The following PSD2 variants were observed in gnomAD, a reference collection of about 807,000 sequenced individuals.
The protein encoded by PSD2 is PH and SEC7 domain-containing protein 2.
In PSD2, 38 loss-of-function variants were observed where a neutral mutation model predicts 69.8. The observed-to-expected ratio is 0.54, with a 90% CI of 0.42 to 0.71. The LOEUF is 0.71. Ranked by LOEUF, PSD2 falls within the 30% of genes least tolerant of loss-of-function variation. The pLI is 0.00. For synonymous variants in PSD2, 412 were observed against 423.0 expected (o/e 0.97, Z 0.32); for missense variants, 943 against 1,014.5 (o/e 0.93, Z 0.96).
rs62383871 is a variant in PSD2, at chr5:139,811,476, T to C, written c.371+1665T>C. On this transcript the variant is annotated intron_variant, in intron 2 of 14. Transcript: ENST00000274710. The stretch of plus-strand genomic sequence containing the variant: ...GGCTGATGCAGAGGGAGGGGAGTGC[T>C]TCTTTGCACATCATGGGCCTCAGCT... Among the ~76,000 whole-genome samples, 708 of 152,202 alleles carry C rather than the reference T, an allele frequency of 4.7e-3. 5 individuals carry two copies. The highest frequency in any genetic ancestry group is 3.9e-3 in the Non-Finnish European group (264 of 68,010).
chr5:139,813,672 T>A lies in PSD2; in HGVS notation c.735T>A (p.Asn245Lys). ...GCCTGTCTCTCATGGCCATGCCCAA[T>A]GGATTCCATGAAGATGGCCCTCAGG... is the stretch of plus-strand genomic sequence containing the variant. ...LSRLSLMAMP[N>K]GFHEDGPQGP... is the part of the protein sequence containing the mutation. Residue 245 changes from asparagine (N) to lysine (K), a missense_variant, in exon 3 of 15, where the codon AAT becomes AAA. Around this residue, in one of 3 missense-constraint regions of PSD2, gnomAD observed 466 missense variants for 445.0 expected, o/e 1.05. Transcript: ENST00000274710. 1.9e-6 allele frequency: 3 copies of A among 1,613,814 alleles called. No homozygotes were observed. The highest frequency in any genetic ancestry group is 1.7e-6 in the Non-Finnish European group (2 of 1,179,952).
chr5:139,743,358 G>C, the PSD2 span, among the ~76,000 whole-genome samples: 18 of 152,200 alleles, frequency 1.2e-4, no homozygotes, highest in Non-Finnish European at 4.4e-5. Context: ...GGGTAAGATG[G>C]AGAACCTGGG....
rs1238151988 is a variant in PSD2, at chr5:139,796,033, G to A, written c.-51+58G>A. 31 of 127,558 alleles carry A rather than the reference G, an allele frequency of 2.4e-4. 1 individual carries two copies. The South Asian group carries it at 8.0e-3, about 33-fold the overall frequency. 7.9% of individuals were successfully genotyped at this position (127,558 alleles called of 1,614,324 possible). On this transcript the variant is annotated intron_variant, in intron 1 of 14. Coordinates refer to ENST00000274710, the MANE Select transcript of PSD2 (RefSeq NM_032289.4). Reference sequence around the variant, plus strand: ...CCTCCCCGCTGGCGGCCAGGCCGGGGCGGGACGGGCCGGGGAGAGGGCCGC... The same window carrying A: ...CCTCCCCGCTGGCGGCCAGGCCGGGACGGGACGGGCCGGGGAGAGGGCCGC...
the PSD2 span, among the ~76,000 whole-genome samples, chr5:139,762,708 G>C: frequency 9.2e-5 from 14 of 152,274 alleles, no homozygotes; most frequent in East Asian, 2.7e-3. Context: ...CTACCCTGCA[G>C]ACAGTACTCC....
the PSD2 span, among the ~76,000 whole-genome samples, chr5:139,752,735 C>T: frequency 6.6e-6 from 1 of 152,332 alleles, no homozygotes; most frequent in South Asian, 2.1e-4. Flanking sequence ...CACACATACA[C>T]ACACGTAGGC....
At chr5:139,799,398 T>C (rs1242168895) in intron 1 of PSD2, among the ~76,000 whole-genome samples, 1 of 151,486 alleles carries the variant, frequency 6.6e-6, no homozygotes, top group Non-Finnish European at 1.5e-5. Context: ...GTGCTGTTGG[T>C]GGGGGAGAGG....
chr5:139,813,679 C>T lies in PSD2; in HGVS notation c.742C>T (p.His248Tyr). ...TCTCATGGCCATGCCCAATGGATTC[C>T]ATGAAGATGGCCCTCAGGGCCCAGG... ...LSLMAMPNGF[H>Y]EDGPQGPGGD... Residue 248 changes from histidine (H) to tyrosine (Y), a missense_variant, in exon 3 of 15, where the codon CAT becomes TAT. This residue lies in a region of PSD2 where 466 missense variants were observed against 445.0 expected (regional missense o/e 1.05). Transcript: ENST00000274710. The T allele has an allele frequency of 6.2e-7, 1 of 1,613,816 alleles. No individual in the cohort carries two copies. Among genetic ancestry groups the T allele is most frequent in the Non-Finnish European group, 8.5e-7 (1 of 1,179,936 alleles).
Position 139,830,565 on chromosome 5 carries a change from C to CCTTCCTTCCTTT in PSD2, c.1270-3134_1270-3133insCCTTCCTTTCTT, listed in dbSNP as rs1554096354. Among the ~76,000 whole-genome samples the CCTTCCTTCCTTT allele has an allele frequency of 5.0e-3, 607 of 120,242 alleles. 2 individuals are homozygous for CCTTCCTTCCTTT. The highest frequency in any genetic ancestry group is 0.011 in the South Asian group (41 of 3,798). The allele number at this position is 120,242 out of a possible 152,430, so 78.9% of individuals were successfully genotyped here. ...TCCTTCCTTCCTTCCTTCCTTCCTT[C>CCTTCCTTCCTTT]CTTTCTTTCTTTCTTTCTTTCTTTC... On this transcript the variant is annotated intron_variant, in intron 7 of 14. Coordinates refer to ENST00000274710, the MANE Select transcript of PSD2 (RefSeq NM_032289.4).
At position 139,817,542 on chromosome 5, in the gene PSD2, A is replaced by G; in HGVS notation, c.1078A>G (p.Thr360Ala). The G allele has an allele frequency of 6.2e-7, 1 of 1,613,562 alleles. No individual in the cohort carries two copies. Among genetic ancestry groups the G allele is most frequent in the Middle Eastern group, 1.7e-4 (1 of 6,060 alleles). Residue 360 changes from threonine (T) to alanine (A), a missense_variant, in exon 5 of 15, where the codon ACT becomes GCT. Around this residue, in one of 3 missense-constraint regions of PSD2, gnomAD observed 312 missense variants for 400.7 expected, o/e 0.78. Coordinates refer to ENST00000274710, the MANE Select transcript of PSD2 (RefSeq NM_032289.4). ...YLSFFDFSGL[T>A]LDGALRTFLK... ...CAGTTTCTTCGACTTCTCGGGCTTG[A>G]CTCTGGACGGAGCACTCAGGTCAGT... is the stretch of plus-strand genomic sequence containing the variant.
At chr5:139,791,232 C>A (rs1759410258), upstream of PSD2, among the ~76,000 whole-genome samples, 1 of 151,844 alleles carries the variant, frequency 6.6e-6, no homozygotes, top group Admixed American at 6.6e-5. Context: ...GAAGTCAAGA[C>A]CAGCCTGGGC....
the PSD2 span, among the ~76,000 whole-genome samples, chr5:139,775,004 C>T: frequency 6.6e-6 from 1 of 152,148 alleles, no homozygotes; most frequent in Non-Finnish European, 1.5e-5. Flanking sequence ...CGAGACCGTA[C>T]TGTGCCGCCG....
chr5:139,836,165 T>C (rs1400450407), intron 9 of PSD2, among the ~76,000 whole-genome samples: 1 of 152,148 alleles, frequency 6.6e-6, no homozygotes, highest in Non-Finnish European at 1.5e-5. Flanking sequence ...TTATTGACAG[T>C]GGGAAGGGGA....
intron 8 of PSD2, among the ~76,000 whole-genome samples, chr5:139,835,473 C>A (rs1760693027): frequency 6.6e-6 from 1 of 152,186 alleles, no homozygotes; most frequent in African/African-American, 2.4e-5. Context: ...AATGGACAGC[C>A]TCTGACCTTG....
chr5:139,797,231 G>A (rs575394804), intron 1 of PSD2, among the ~76,000 whole-genome samples: 4 of 152,330 alleles, frequency 2.6e-5, no homozygotes, highest in African/African-American at 7.2e-5. Flanking sequence ...CAATATATGC[G>A]GGAAGCAGGG....
At chr5:139,820,532 C>T (rs1246342542) in intron 5 of PSD2, among the ~76,000 whole-genome samples, 1 of 152,020 alleles carries the variant, frequency 6.6e-6, no homozygotes, top group African/African-American at 2.4e-5. Flanking sequence ...GCTTGCAGGT[C>T]CCAGGGTGCC....
chr5:139,797,931 A>G (rs989613613), intron 1 of PSD2, among the ~76,000 whole-genome samples: 2 of 152,118 alleles, frequency 1.3e-5, no homozygotes, highest in African/African-American at 4.8e-5. Context: ...CAAGAGGGTG[A>G]CCTTGGGAAA....
intron 1 of PSD2, among the ~76,000 whole-genome samples, chr5:139,808,234 C>A (rs915400152): frequency 6.6e-6 from 1 of 152,058 alleles, no homozygotes; most frequent in Non-Finnish European, 1.5e-5. Flanking sequence ...AGGCCACTTG[C>A]GGAGGGGGTT....
chr5:139,816,393 T>C (rs1274192043), intron 4 of PSD2, among the ~76,000 whole-genome samples: 2 of 152,238 alleles, frequency 1.3e-5, no homozygotes, highest in African/African-American at 4.8e-5. Context: ...ACTTGGCCGA[T>C]TGGTCTGTTA....
rs1279812393 is a variant in PSD2 at position 139,821,851 on chromosome 5, G to A, written c.1098-42G>A. The A allele has an allele frequency of 6.3e-6, 8 of 1,261,420 alleles. No homozygotes were observed. In the South Asian group the frequency reaches 9.4e-5, roughly 15 times the overall value. 78.1% of individuals were successfully genotyped at this position (1,261,420 alleles called of 1,614,324 possible). On this transcript the variant is annotated intron_variant, in intron 5 of 14. Coordinates refer to ENST00000274710, the MANE Select transcript of PSD2 (RefSeq NM_032289.4). ...TGTGGGGGGTGGTCTTACCCTGGGT[G>A]AGGACTCAGACTGCCCTCAGCAGCT...
Sources: gnomAD v4.1 joint callset for allele counts (sites outside exome capture counted in the v4.1 genomes callset) on GRCh38, gnomAD v4.1.1 for gene constraint, gnomAD v4.1.1 regional missense constraint, MANE v1.5 for transcripts, NCBI Gene and HGNC (gene_info 2026-07-23, HGNC 2026-07-21) for gene names.